Variants in MFAP3L observed in about 807,000 individuals in gnomAD.
MFAP3L encodes microfibrillar-associated protein 3-like.
In MFAP3L, 5 loss-of-function variants were observed where a neutral mutation model predicts 20.0. The ratio of observed to expected loss-of-function variants is 0.25; its 90% CI spans 0.13 to 0.53. The LOEUF (loss-of-function observed/expected upper bound fraction) is 0.53. MFAP3L is among the 20% of genes least tolerant of loss of function. The pLI, the probability that MFAP3L is intolerant of heterozygous loss-of-function variation, is 0.96. For missense variants in MFAP3L, 409 were observed against 527.5 expected (o/e 0.78, Z 2.20); for synonymous variants, 219 against 213.0 (o/e 1.03, Z -0.25).
At chr4:170,018,052 C>T (rs913222731) in intron 1 of MFAP3L, among the ~76,000 whole-genome samples, 2 of 152,182 alleles carry the variant, frequency 1.3e-5, no homozygotes, top group Admixed American at 6.5e-5. Flanking sequence ...CAGGCCTTTA[C>T]CCCAAAGGTG....
At chr4:170,024,848 C>A (rs112009931) in intron 1 of MFAP3L, among the ~76,000 whole-genome samples, 40 of 152,258 alleles carry the variant, frequency 2.6e-4, no homozygotes, top group African/African-American at 9.4e-4. Flanking sequence ...CAAGCAAGCA[C>A]CAACCTTAAA....
At chr4:170,026,176 G>A in intron 1 of MFAP3L, 58 bp downstream of exon 1, 2 of 952,448 alleles carry the variant, frequency 2.1e-6, no homozygotes, top group East Asian at 1.2e-4. Flanking sequence ...CCGACCCGGT[G>A]CGGGGCTGGC....
At chr4:170,006,459 A>C (rs1739042996) in intron 1 of MFAP3L, 2 of 152,328 alleles carry the variant, frequency 1.3e-5, no homozygotes, top group Non-Finnish European at 1.5e-5. Context: ...GATGTTCCGG[A>C]TGTGAATTAT....
chr4:169,989,947 AATGTT>A lies in MFAP3L; in HGVS notation c.*1426_*1430del. On this transcript the variant is annotated 3_prime_UTR_variant, in exon 3 of 3. Coordinates refer to ENST00000361618, the MANE Select transcript of MFAP3L (RefSeq NM_021647.8). ...TCTTATTTAAGTAATGAAGCATGAA[AATGTT>A]AGGTGGACCAAGAGATGAAAGCAAA... 6.6e-6 allele frequency: 1 copy of A among 152,350 alleles called. No individual in the cohort carries two copies. The highest frequency in any genetic ancestry group is 2.1e-4 in the South Asian group (1 of 4,828). The allele number at this position is 152,350 out of a possible 1,614,324, so 9.4% of individuals were successfully genotyped here.
intron 1 of MFAP3L, among the ~76,000 whole-genome samples, chr4:170,019,847 A>T (rs1409111766): frequency 6.6e-6 from 1 of 152,192 alleles, no homozygotes; most frequent in African/African-American, 2.4e-5. Context: ...CCTGTTGACT[A>T]GAGTCAATTT....
At chr4:170,001,052 A>C (rs1232413932) in intron 2 of MFAP3L, among the ~76,000 whole-genome samples, 1 of 152,214 alleles carries the variant, frequency 6.6e-6, no homozygotes, top group African/African-American at 2.4e-5. Context: ...TCAAGTATTT[A>C]ATATACTAAA....
Position 169,992,350 on chromosome 4 carries a change from A to C in MFAP3L, c.299-41T>G. 6.7e-7 allele frequency: 1 copy of C among 1,502,416 alleles called. No homozygotes were observed. Among genetic ancestry groups the C allele is most frequent in the Non-Finnish European group, 9.1e-7 (1 of 1,098,478 alleles). 93.1% of individuals were successfully genotyped at this position (1,502,416 alleles called of 1,614,324 possible). A position where few individuals can be genotyped will look rare whatever the true frequency, so the allele number is the denominator to read the frequency against. Reference sequence around the variant, plus strand: ...GAAGAGAATTCAACCAAGGACACAGAGCTCCCATGACTACAAACTGATACG... The same window carrying C: ...GAAGAGAATTCAACCAAGGACACAGCGCTCCCATGACTACAAACTGATACG... On this transcript the variant is annotated intron_variant, in intron 2 of 2. Coordinates refer to ENST00000361618, the MANE Select transcript of MFAP3L (RefSeq NM_021647.8). This position sits in a 1 kb window ranked among gnomAD's most constrained non-coding sequence, Gnocchi z 4.3.
rs1462172953 is a variant in MFAP3L at position 169,989,143 on chromosome 4, A to T, written c.*2235T>A. On this transcript the variant is annotated 3_prime_UTR_variant, in exon 3 of 3. Coordinates refer to ENST00000361618, the MANE Select transcript of MFAP3L (RefSeq NM_021647.8). ...AACTGGAAAATTTTTATATTCTAAGAGGTGGTGTTAAAACTTTTCTGCAAC... is the reference window on the plus strand; with the variant it reads ...AACTGGAAAATTTTTATATTCTAAGTGGTGGTGTTAAAACTTTTCTGCAAC... The T allele has an allele frequency of 6.6e-6, 1 of 152,180 alleles. No individual in the cohort carries two copies. The highest frequency in any genetic ancestry group is 1.5e-5 in the Non-Finnish European group (1 of 68,034). 9.4% of individuals were successfully genotyped at this position (152,180 alleles called of 1,614,324 possible). A position where few individuals can be genotyped will look rare whatever the true frequency, so the allele number is the denominator to read the frequency against.
chr4:170,018,130 C>A (rs978079080), intron 1 of MFAP3L, among the ~76,000 whole-genome samples: 3 of 152,114 alleles, frequency 2.0e-5, no homozygotes, highest in Non-Finnish European at 2.9e-5. Flanking sequence ...GTAAATGCCA[C>A]AGAAATTCAG....
At chr4:170,003,675 G>T (rs1387500457) in intron 2 of MFAP3L, 1 of 985,364 alleles carries the variant, frequency 1.0e-6, no homozygotes, top group African/African-American at 1.7e-5. Flanking sequence ...GATAACCTTT[G>T]CTTTAGGGTC....
At chr4:170,004,831 T>A (rs1581488993) in intron 2 of MFAP3L, among the ~76,000 whole-genome samples, 1 of 152,178 alleles carries the variant, frequency 6.6e-6, no homozygotes, top group East Asian at 1.9e-4. Flanking sequence ...CTTCACACAG[T>A]AAATGCCTAG....
chr4:169,995,727 G>A (rs1175549245), intron 2 of MFAP3L, among the ~76,000 whole-genome samples: 2 of 152,218 alleles, frequency 1.3e-5, no homozygotes, highest in African/African-American at 4.8e-5. Context: ...TACACGCGAA[G>A]TGGGGATACA....
At chr4:170,022,343 G>T (rs1740087922) in intron 1 of MFAP3L, among the ~76,000 whole-genome samples, 1 of 152,106 alleles carries the variant, frequency 6.6e-6, no homozygotes, top group Non-Finnish European at 1.5e-5. Context: ...GTGTTTTTAG[G>T]AAGTAAATCT....
rs146815465 is a variant in MFAP3L, at chr4:170,002,818, A to G, written c.298+2762T>C. On this transcript the variant is annotated intron_variant, in intron 2 of 2. Transcript: ENST00000361618. ...CCACGCGCTTGGCCTAGTATTTTTCATACTATATTCAATCACCTCTTTATT... is the reference window on the plus strand; with the variant it reads ...CCACGCGCTTGGCCTAGTATTTTTCGTACTATATTCAATCACCTCTTTATT... Among the ~76,000 whole-genome samples the G allele has an allele frequency of 3.3e-5, 5 of 151,464 alleles. No homozygotes were observed. The East Asian group carries it at 7.8e-4, about 23-fold the overall frequency.
chr4:170,003,877 G>A, intron 2 of MFAP3L: 1 of 984,128 alleles, frequency 1.0e-6, no homozygotes, highest in Non-Finnish European at 1.2e-6. Context: ...TGGAGGAAGT[G>A]GCTGTAGGAA....
Position 170,006,007 on chromosome 4 carries a change from G to C in MFAP3L, c.-130C>G. 1 of 1,436,224 alleles carries C rather than the reference G, an allele frequency of 7.0e-7. No individual in the cohort carries two copies. Among genetic ancestry groups the C allele is most frequent in the Non-Finnish European group, 9.1e-7 (1 of 1,097,594 alleles). The allele number at this position is 1,436,224 out of a possible 1,614,324, so 89.0% of individuals were successfully genotyped here. A position where few individuals can be genotyped will look rare whatever the true frequency, so the allele number is the denominator to read the frequency against. Reference sequence around the variant, plus strand: ...GTCCATAGAGTTGGTACTTGAGCAAGAACCTGTTTTTAAGAAAACAAAAAT... The same window carrying C: ...GTCCATAGAGTTGGTACTTGAGCAACAACCTGTTTTTAAGAAAACAAAAAT... On this transcript the variant is annotated 5_prime_UTR_variant, in exon 2 of 3. Coordinates refer to ENST00000361618, the MANE Select transcript of MFAP3L (RefSeq NM_021647.8).
chr4:169,997,119 A>G (rs1337166512), intron 2 of MFAP3L, among the ~76,000 whole-genome samples: 1 of 152,216 alleles, frequency 6.6e-6, no homozygotes, highest in African/African-American at 2.4e-5. Context: ...ATTGGGATAG[A>G]TGACTGTTCA....
At position 169,989,932 on chromosome 4, in the gene MFAP3L, G is replaced by C. The variant is rs888303513; in HGVS notation, c.*1446C>G. ...TCTCAAAACCAACATTCTTATTTAA[G>C]TAATGAAGCATGAAAATGTTAGGTG... On this transcript the variant is annotated 3_prime_UTR_variant, in exon 3 of 3. Transcript: ENST00000361618. The C allele has an allele frequency of 6.6e-6, 1 of 152,198 alleles. No homozygotes were observed. Among genetic ancestry groups the C allele is most frequent in the Admixed American group, 6.5e-5 (1 of 15,284 alleles). 9.4% of individuals were successfully genotyped at this position (152,198 alleles called of 1,614,324 possible).
Position 170,005,811 on chromosome 4 carries a change from A to T in MFAP3L, c.67T>A (p.Ser23Thr). The T allele has an allele frequency of 6.2e-7, 1 of 1,614,196 alleles. No homozygotes were observed. Among genetic ancestry groups the T allele is most frequent in the Non-Finnish European group, 8.5e-7 (1 of 1,180,046 alleles). Residue 23 changes from serine to threonine, a missense_variant, in exon 2 of 3, where the codon TCC (serine) becomes ACC (threonine). Around this residue, in one of 3 missense-constraint regions of MFAP3L, gnomAD observed 113 missense variants for 131.1 expected, o/e 0.86. Coordinates refer to ENST00000361618, the MANE Select transcript of MFAP3L (RefSeq NM_021647.8). The part of the protein sequence containing the change: ...LPSVPFLILV[S>T]TLATAKSVTN... ...ACACTCTTAGCGGTGGCTAGAGTGG[A>T]TACTAGGATTAAAAAGGGCACAGAA...
Sources: gnomAD v4.1 joint callset for allele counts (sites outside exome capture counted in the v4.1 genomes callset) on GRCh38, gnomAD v4.1.1 for gene constraint, gnomAD v4.1.1 regional missense constraint, Gnocchi (gnomAD v3.1) non-coding constraint, MANE v1.5 for transcripts, NCBI Gene and HGNC (gene_info 2026-07-23, HGNC 2026-07-21) for gene names.